The following ASB18 variants were observed in gnomAD, a reference collection of about 807,000 sequenced individuals.
ASB18 encodes the protein ankyrin repeat and SOCS box protein 18.
A neutral mutation model predicts 33.4 loss-of-function variants in ASB18; 33 were observed. The observed-to-expected ratio is 0.99, with a 90% CI of 0.75 to 1.32. The LOEUF (loss-of-function observed/expected upper bound fraction) is 1.32, where lower values mean the gene tolerates loss of function less well. ASB18 is among the 40% of genes most tolerant of loss of function. The pLI, the probability that ASB18 is intolerant of heterozygous loss-of-function variation, is 0.00. For missense variants in ASB18, 694 were observed against 655.5 expected, an observed-to-expected ratio of 1.06 and a Z score of -0.64; for synonymous variants, 295 against 307.6, an observed-to-expected ratio of 0.96 and a Z score of 0.43.
Position 236,219,261 on chromosome 2 carries a change from C to T in ASB18, c.597-4395G>A, listed in dbSNP as rs1039950970. On this transcript the variant is annotated intron_variant, in intron 3 of 5. Transcript: ENST00000409749. The surrounding 1 kb of genome is among the most constrained non-coding windows in gnomAD (Gnocchi z 6.4). ...AGCTTGTTTCCTTTTTGCCTGCATG[C>T]GTTTTTCAAGTTATCCAAAATAAGT... is the stretch of plus-strand genomic sequence containing the variant. 2.6e-5 allele frequency among the ~76,000 whole-genome samples: 4 copies of T among 152,058 alleles called. No individual in the cohort carries two copies. The highest frequency in any genetic ancestry group is 4.2e-4 in the South Asian group (2 of 4,816).
Position 236,203,809 on chromosome 2 carries a change from G to A in ASB18, c.1102-7424C>T, listed in dbSNP as rs11684614. 0.17 allele frequency among the ~76,000 whole-genome samples: 26,107 copies of A among 152,110 alleles called. 2,253 individuals carry two copies. Among genetic ancestry groups the A allele is most frequent in the South Asian group, 0.25 (1,194 of 4,814 alleles). On this transcript the variant is annotated intron_variant, in intron 4 of 5. Transcript: ENST00000409749. The surrounding 1 kb of genome is among the most constrained non-coding windows in gnomAD (Gnocchi z 6.0). Reference sequence around the variant, plus strand: ...TTGAGCCTGGAAGGTCGACGCTGCAGTGAGCTATGATTGCACTGCTGCACT... The same window carrying A: ...TTGAGCCTGGAAGGTCGACGCTGCAATGAGCTATGATTGCACTGCTGCACT...
In ASB18 at chr2:236,239,591, A is replaced by G. The variant is rs116271959; in HGVS notation, c.329-1635T>C. Among the ~76,000 whole-genome samples the G allele has an allele frequency of 1.3e-5, 2 of 152,138 alleles. No homozygotes were observed. The highest frequency in any genetic ancestry group is 2.9e-5 in the Non-Finnish European group (2 of 67,996). On this transcript the variant is annotated intron_variant, in intron 2 of 5. Coordinates refer to ENST00000409749, the MANE Select transcript of ASB18 (RefSeq NM_212556.4). The surrounding 1 kb of genome is among the most constrained non-coding windows in gnomAD (Gnocchi z 5.6). ...GGGACATGAATTAAGGCTTCTCTGC[A>G]TGTGGTGTGTCCCTCTAAGCATCAG...
At chr2:236,198,528 C>T (rs573873360) in intron 4 of ASB18, among the ~76,000 whole-genome samples, 5 of 152,066 alleles carry the variant, frequency 3.3e-5, no homozygotes, top group Admixed American at 6.6e-5. Context: ...CCACCACACC[C>T]GGCTGATTTT....
Position 236,263,866 on chromosome 2 carries a change from C to T in ASB18, c.205+275G>A, listed in dbSNP as rs909606726. On this transcript the variant is annotated intron_variant, in intron 1 of 5. Transcript: ENST00000409749. The surrounding 1 kb of genome is among the most constrained non-coding windows in gnomAD (Gnocchi z 4.0). The stretch of plus-strand genomic sequence containing the variant: ...GTTATCAGTGGGTGAAATTTACACA[C>T]GCAAATGGACAGGCTTGGAAAACAA... 2.0e-5 allele frequency among the ~76,000 whole-genome samples: 3 copies of T among 152,104 alleles called. No individual in the cohort carries two copies. Among genetic ancestry groups the T allele is most frequent in the Admixed American group, 6.6e-5 (1 of 15,260 alleles).
Position 236,195,994 on chromosome 2 carries a change from T to C in ASB18, c.1215+278A>G. Reference sequence around the variant, plus strand: ...GGATTCAGGCGGCTCTGGCCTTTCTTTGGACACTGGTTAAGGAACCCTCGC... The same window carrying C: ...GGATTCAGGCGGCTCTGGCCTTTCTCTGGACACTGGTTAAGGAACCCTCGC... On this transcript the variant is annotated intron_variant, in intron 5 of 5. Transcript: ENST00000409749. The surrounding 1 kb of genome is among the most constrained non-coding windows in gnomAD (Gnocchi z 5.5). 2.2e-6 allele frequency: 1 copy of C among 451,138 alleles called. No individual in the cohort carries two copies. Among genetic ancestry groups the C allele is most frequent in the Non-Finnish European group, 4.1e-6 (1 of 241,756 alleles). 27.9% of individuals were successfully genotyped at this position (451,138 alleles called of 1,614,324 possible).
chr2:236,241,281 T>C lies in ASB18; in HGVS notation c.327A>G (p.Ser109=). 6.2e-7 allele frequency: 1 copy of C among 1,613,830 alleles called. No homozygotes were observed. The change falls in exon 2 of 6, where the codon TCA becomes TCG. Residue 109 remains serine (S), a splice_region_variant and synonymous_variant. Coordinates refer to ENST00000409749, the MANE Select transcript of ASB18 (RefSeq NM_212556.4). The surrounding 1 kb of genome is among the most constrained non-coding windows in gnomAD (Gnocchi z 4.2). ...QVKSPATFGL[S]GLWTLEYKRE... ...CTGAGCTTTAAAGAACAAGGGTACC[T>C]GATAGTCCAAACGTGGCTGGAGATT...
At position 236,203,298 on chromosome 2, in the gene ASB18, A is replaced by T. The variant is rs1344313908; in HGVS notation, c.1102-6913T>A. On this transcript the variant is annotated intron_variant, in intron 4 of 5. Transcript: ENST00000409749. This position sits in a 1 kb window ranked among gnomAD's most constrained non-coding sequence, Gnocchi z 6.0. ...CATCCAAGCCGAGACCTGGCTCTGG[A>T]GCAGGAGTTAGCAGGGGGAAAAAAA... 6.6e-6 allele frequency among the ~76,000 whole-genome samples: 1 copy of T among 152,128 alleles called. No homozygotes were observed. Among genetic ancestry groups the T allele is most frequent in the Non-Finnish European group, 1.5e-5 (1 of 68,030 alleles).
At position 236,202,814 on chromosome 2, in the gene ASB18, T is replaced by TAC. The variant is rs1553599254; in HGVS notation, c.1102-6431_1102-6430dup. ...AAAAAAATATATATATATATATATA[T>TAC]ACACACACCTATAGTTCTCTAAAAA... is the stretch of plus-strand genomic sequence containing the variant. On this transcript the variant is annotated intron_variant, in intron 4 of 5. Coordinates refer to ENST00000409749, the MANE Select transcript of ASB18 (RefSeq NM_212556.4). 6.1e-3 allele frequency among the ~76,000 whole-genome samples: 768 copies of TAC among 126,536 alleles called. 16 individuals carry two copies. Among genetic ancestry groups the TAC allele is most frequent in the African/African-American group, 0.023 (720 of 31,106 alleles). 83.0% of individuals were successfully genotyped at this position (126,536 alleles called of 152,430 possible).
rs763640153 is a variant in ASB18 at position 236,231,230 on chromosome 2, T to C, written c.596+6459A>G. Among the ~76,000 whole-genome samples the C allele has an allele frequency of 6.6e-6, 1 of 152,200 alleles. No homozygotes were observed. The highest frequency in any genetic ancestry group is 1.5e-5 in the Non-Finnish European group (1 of 68,042). On this transcript the variant is annotated intron_variant, in intron 3 of 5. Transcript: ENST00000409749. The surrounding 1 kb of genome is among the most constrained non-coding windows in gnomAD (Gnocchi z 5.5). ...AGATTGTCTCTATTGTCTTCTCAGCTTGCATACTTTGATGAAACAAGTTTC... is the reference window on the plus strand; with the variant it reads ...AGATTGTCTCTATTGTCTTCTCAGCCTGCATACTTTGATGAAACAAGTTTC...
At chr2:236,212,010 T>C (rs2060460788) in intron 4 of ASB18, among the ~76,000 whole-genome samples, 1 of 152,190 alleles carries the variant, frequency 6.6e-6, no homozygotes, top group Admixed American at 6.5e-5. Context: ...AGGTCTGTGC[T>C]TGCAGGCGCC....
chr2:236,197,266 A>C (rs2106261653), intron 4 of ASB18, among the ~76,000 whole-genome samples: 1 of 152,338 alleles, frequency 6.6e-6, no homozygotes, highest in South Asian at 2.1e-4. Context: ...TCAGTGTTTA[A>C]ATTCACAGAT....
At chr2:236,247,332 G>A (rs891263292) in intron 1 of ASB18, 8 of 143,498 alleles carry the variant, frequency 5.6e-5, no homozygotes, top group African/African-American at 2.3e-4. Flanking sequence ...CATTCAATAA[G>A]CATTTATGTA....
chr2:236,240,353 G>T lies in ASB18; in HGVS notation c.328+927C>A, dbSNP rs191838643. Among the ~76,000 whole-genome samples the T allele has an allele frequency of 2.0e-5, 3 of 152,344 alleles. No homozygotes were observed. In the East Asian group the frequency reaches 5.8e-4, roughly 29 times the overall value. On this transcript the variant is annotated intron_variant, in intron 2 of 5. Transcript: ENST00000409749. ...GTTTATTCTCTTCTCCCCGTGTGAG[G>T]TATAAACAGAACTGTGTCAGTTCTT...
At chr2:236,198,092 A>C (rs2060382847) in intron 4 of ASB18, among the ~76,000 whole-genome samples, 1 of 152,170 alleles carries the variant, frequency 6.6e-6, no homozygotes, top group African/African-American at 2.4e-5. Flanking sequence ...AAAGTATTGA[A>C]GTCACTCATG....
rs1486596153 is a variant in ASB18, at chr2:236,205,142, G to A, written c.1102-8757C>T. ...AAGAGGAGGATCTTTACAAAATATT[G>A]TTGGATTGCGTCACTCCTCTGCTCA... On this transcript the variant is annotated intron_variant, in intron 4 of 5. Coordinates refer to ENST00000409749, the MANE Select transcript of ASB18 (RefSeq NM_212556.4). This position sits in a 1 kb window ranked among gnomAD's most constrained non-coding sequence, Gnocchi z 5.4. 4.6e-5 allele frequency among the ~76,000 whole-genome samples: 7 copies of A among 152,144 alleles called. No homozygotes were observed. Among genetic ancestry groups the A allele is most frequent in the Non-Finnish European group, 7.3e-5 (5 of 68,028 alleles).
chr2:236,237,667 G>A lies in ASB18; in HGVS notation c.596+22C>T, dbSNP rs936298290. 1.4e-5 allele frequency: 20 copies of A among 1,392,752 alleles called. No individual in the cohort carries two copies. In the African/African-American group the frequency reaches 2.7e-4, roughly 19 times the overall value. The allele number at this position is 1,392,752 out of a possible 1,614,324, so 86.3% of individuals were successfully genotyped here. A position where few individuals can be genotyped will look rare whatever the true frequency, so the allele number is the denominator to read the frequency against. On this transcript the variant is annotated intron_variant, in intron 3 of 5. Coordinates refer to ENST00000409749, the MANE Select transcript of ASB18 (RefSeq NM_212556.4). This position sits in a 1 kb window ranked among gnomAD's most constrained non-coding sequence, Gnocchi z 6.2. Reference sequence around the variant, plus strand: ...GGTCTCGGGGCGGGGCGGACGCCGCGGGCCTGTCCCGAGGTCCTTACCCGA... The same window carrying A: ...GGTCTCGGGGCGGGGCGGACGCCGCAGGCCTGTCCCGAGGTCCTTACCCGA...
intron 4 of ASB18, among the ~76,000 whole-genome samples, chr2:236,212,515 T>C (rs1333808086): frequency 6.6e-6 from 1 of 152,226 alleles, no homozygotes; most frequent in Non-Finnish European, 1.5e-5. Context: ...TGACTCCTTT[T>C]TTTTTCTTTA....
intron 4 of ASB18, among the ~76,000 whole-genome samples, chr2:236,212,379 G>A (rs1047601524): frequency 1.3e-5 from 2 of 152,196 alleles, no homozygotes; most frequent in Non-Finnish European, 2.9e-5. Flanking sequence ...GGGGTCAGAG[G>A]TCCTGTTCCT....
Position 236,248,706 on chromosome 2 carries a change from T to C in ASB18, c.206-7304A>G, listed in dbSNP as rs1464404950. 6.6e-6 allele frequency: 1 copy of C among 152,194 alleles called. No homozygotes were observed. The highest frequency in any genetic ancestry group is 6.5e-5 in the Admixed American group (1 of 15,286). The allele number at this position is 152,194 out of a possible 1,614,324, so 9.4% of individuals were successfully genotyped here. A position where few individuals can be genotyped will look rare whatever the true frequency, so the allele number is the denominator to read the frequency against. On this transcript the variant is annotated intron_variant, in intron 1 of 5. Coordinates refer to ENST00000409749, the MANE Select transcript of ASB18 (RefSeq NM_212556.4). This position sits in a 1 kb window ranked among gnomAD's most constrained non-coding sequence, Gnocchi z 4.9. ...GGAATCCGTGACCCTTGCAATGTGG[T>C]GTGGAATGCCTTTTATCCCTGGACT... is the stretch of plus-strand genomic sequence containing the variant.
Sources: allele counts gnomAD v4.1 joint callset (sites outside exome capture counted in the v4.1 genomes callset), GRCh38; gene constraint gnomAD v4.1.1; non-coding constraint Gnocchi (gnomAD v3.1); transcripts MANE v1.5; gene names NCBI Gene and HGNC (gene_info 2026-07-23, HGNC 2026-07-21).